Variants in NF1 observed in about 807,000 individuals in gnomAD.
The protein encoded by NF1 is neurofibromin.
In NF1, 122 loss-of-function variants were observed where a neutral mutation model predicts 325.7. That is an observed-to-expected ratio of 0.37 (90% CI 0.32 to 0.44). The LOEUF (loss-of-function observed/expected upper bound fraction) is 0.44. Among genes scored for constraint, NF1 ranks in the 20% least tolerant of loss-of-function variants. The pLI, the probability that NF1 is intolerant of heterozygous loss-of-function variation, is 1.00. For synonymous variants in NF1, 1,091 were observed against 1,186.0 expected (o/e 0.92, Z 1.65); for missense variants, 2,140 against 3,415.4 (o/e 0.63, Z 9.31).
intron 5 of NF1, among the ~76,000 whole-genome samples, chr17:31,175,337 T>G (rs2953005): frequency 6.9e-6 from 1 of 144,204 alleles, no homozygotes; most frequent in Non-Finnish European, 1.5e-5. Flanking sequence ...TAAACACCTG[T>G]GCTTTTGCTT....
intron 56 of NF1, chr17:31,359,806 G>A (rs1381115837): frequency 6.4e-6 from 1 of 155,484 alleles, no homozygotes; most frequent in African/African-American, 2.4e-5. Context: ...TACATAAGAT[G>A]TATATGATCA....
At chr17:31,138,596 G>GTT (rs764491897) in intron 1 of NF1, 36 of 129,022 alleles carry the variant, frequency 2.8e-4, no homozygotes, top group Admixed American at 3.2e-4. Context: ...GCATTCTTTA[G>GTT]TTTTTTTTTT....
intron 29 of NF1, among the ~76,000 whole-genome samples, chr17:31,246,242 G>A (rs1310651336): frequency 3.9e-5 from 6 of 152,112 alleles, no homozygotes; most frequent in Non-Finnish European, 8.8e-5. Flanking sequence ...ATTACCTGCC[G>A]CACCTACTTT....
At chr17:31,241,275 A>AT (rs976824728) in intron 29 of NF1, among the ~76,000 whole-genome samples, 4 of 152,108 alleles carry the variant, frequency 2.6e-5, no homozygotes, top group South Asian at 4.2e-4. Flanking sequence ...GTCATGGGTT[A>AT]TTTTTGTTTG....
intron 36 of NF1, among the ~76,000 whole-genome samples, chr17:31,299,232 A>C (rs1051221085): frequency 1.3e-5 from 2 of 152,066 alleles, no homozygotes; most frequent in Non-Finnish European, 2.9e-5. Flanking sequence ...TACATATGTA[A>C]CTAACCTGCA....
At chr17:31,186,677 A>G (rs896278855) in intron 8 of NF1, among the ~76,000 whole-genome samples, 3 of 152,244 alleles carry the variant, frequency 2.0e-5, no homozygotes, top group Admixed American at 6.5e-5. Flanking sequence ...ACCTCAGCAG[A>G]GAAGGATTTT....
chr17:31,353,049 C>T (rs138704546), intron 51 of NF1, among the ~76,000 whole-genome samples: 1 of 152,224 alleles, frequency 6.6e-6, no homozygotes, highest in African/African-American at 2.4e-5. Context: ...GCTGGGTTTA[C>T]AGGCACACGT....
At chr17:31,346,843 A>G (rs1026268758) in intron 48 of NF1, among the ~76,000 whole-genome samples, 2 of 110,186 alleles carry the variant, frequency 1.8e-5, no homozygotes, top group African/African-American at 7.4e-5. Context: ...TTTTTTTTAC[A>G]TCTGTTTTCA....
intron 36 of NF1, among the ~76,000 whole-genome samples, chr17:31,303,431 G>A (rs570617109): frequency 3.1e-4 from 47 of 152,174 alleles, no homozygotes; most frequent in African/African-American, 1.0e-3. Flanking sequence ...GCATCAGAAA[G>A]TATAAGTTTA....
chr17:31,293,299 G>T (rs1035256987), intron 36 of NF1, among the ~76,000 whole-genome samples: 1 of 148,874 alleles, frequency 6.7e-6, no homozygotes, highest in African/African-American at 2.4e-5. Flanking sequence ...TAAGCAATTA[G>T]TCCCTATCAT....
At chr17:31,187,055 G>A (rs528744039) in intron 8 of NF1, among the ~76,000 whole-genome samples, 43 of 152,286 alleles carry the variant, frequency 2.8e-4, no homozygotes, top group South Asian at 1.5e-3. Context: ...TGTATGCAAT[G>A]CTTCTGCCAA....
At chr17:31,230,239 A>G (rs767760980) in intron 22 of NF1, 21 bp from the exon 23 acceptor site, 1 of 1,608,644 alleles carries the variant, frequency 6.2e-7, no homozygotes, top group South Asian at 1.1e-5. Flanking sequence ...TAATTTTTTT[A>G]TTGTTTCTAT....
At chr17:31,265,155 T>C in intron 35 of NF1, 74 bp from the exon 36 acceptor site, 1 of 1,015,472 alleles carries the variant, frequency 9.8e-7, no homozygotes, top group Non-Finnish European at 1.5e-6. Context: ...TTATTGTTTA[T>C]CCAATTATAG....
chr17:31,250,438 C>A (rs1239054445), intron 30 of NF1: 6 of 211,108 alleles, frequency 2.8e-5, no homozygotes, highest in African/African-American at 1.1e-4. Flanking sequence ...CTAGTAGTAA[C>A]TGGTTTCAGA....
rs76717186 is a variant in NF1, at chr17:31,142,487, A to G, written c.61-13496A>G. Among the ~76,000 whole-genome samples the G allele has an allele frequency of 2.2e-3, 331 of 152,210 alleles. 1 individual carries two copies. The highest frequency in any genetic ancestry group is 7.5e-3 in the African/African-American group (312 of 41,548). On this transcript the variant is annotated intron_variant, in intron 1 of 57. Coordinates refer to ENST00000358273, the MANE Select transcript of NF1 (RefSeq NM_001042492.3). ...TCATTCTAGGCATAATTATTTTCTTATATGTGTTTCAGTATTACTTTTTTT... is the reference window on the plus strand; with the variant it reads ...TCATTCTAGGCATAATTATTTTCTTGTATGTGTTTCAGTATTACTTTTTTT...
At chr17:31,260,244 T>C (rs1303173986) in intron 33 of NF1, 125 bp from the exon 34 acceptor site, 2 of 1,006,608 alleles carry the variant, frequency 2.0e-6, no homozygotes, top group Non-Finnish European at 3.1e-6. Flanking sequence ...AGTCACATTG[T>C]GTGAACAAGC....
chr17:31,261,677 C>A (rs779602836), intron 34 of NF1, 34 bp from the exon 35 acceptor site: 1 of 1,611,382 alleles, frequency 6.2e-7, no homozygotes, highest in Non-Finnish European at 8.5e-7. Context: ...ATGTGAACTG[C>A]TAATTTTTTT....
chr17:31,099,167 G>A (rs980401353), intron 1 of NF1, among the ~76,000 whole-genome samples: 1 of 151,980 alleles, frequency 6.6e-6, no homozygotes, highest in African/African-American at 2.4e-5. Context: ...TCTAATATTC[G>A]GTGTGATTAA....
intron 11 of NF1, among the ~76,000 whole-genome samples, chr17:31,205,323 C>T (rs1281142804): frequency 4.6e-5 from 7 of 152,006 alleles, no homozygotes; most frequent in African/African-American, 1.2e-4. Flanking sequence ...ATTATTCTTC[C>T]AGATTTTTTA....
Sources: allele counts gnomAD v4.1 joint callset (sites outside exome capture counted in the v4.1 genomes callset), GRCh38; gene constraint gnomAD v4.1.1; transcripts MANE v1.5; gene names NCBI Gene and HGNC (gene_info 2026-07-23, HGNC 2026-07-21).